Variants in NAF1 observed in about 807,000 individuals in gnomAD.
NAF1 encodes the protein H/ACA ribonucleoprotein complex non-core subunit NAF1.
In NAF1, 11 loss-of-function variants were observed where a neutral mutation model predicts 40.6. The observed-to-expected ratio is 0.27, with a 90% CI of 0.17 to 0.45. The LOEUF (loss-of-function observed/expected upper bound fraction) is 0.45, where lower values mean the gene tolerates loss of function less well. NAF1 is among the 20% of genes least tolerant of loss of function. The pLI, the probability that NAF1 is intolerant of heterozygous loss-of-function variation, is 1.00. For missense variants in NAF1, 607 were observed against 611.1 expected, an observed-to-expected ratio of 0.99 and a Z score of 0.07; for synonymous variants, 260 against 228.5, an observed-to-expected ratio of 1.14 and a Z score of -1.24.
intron 2 of NAF1, among the ~76,000 whole-genome samples, chr4:163,117,680 TACACACAC>T (rs55869899): frequency 0.011 from 1,432 of 134,926 alleles, 16 homozygotes; most frequent in Non-Finnish European, 0.016. Flanking sequence ...CTGGAAGCAA[TACACACAC>T]ACACACACAC....
At chr4:163,164,883 A>C (rs148068184) in intron 1 of NAF1, among the ~76,000 whole-genome samples, 144 of 152,308 alleles carry the variant, frequency 9.5e-4, no homozygotes, top group Admixed American at 2.1e-3. Context: ...ACTTTCTGAA[A>C]ACTCACTTGG....
At chr4:163,117,842 T>C (rs574259348) in intron 2 of NAF1, among the ~76,000 whole-genome samples, 1 of 152,226 alleles carries the variant, frequency 6.6e-6, no homozygotes, top group Non-Finnish European at 1.5e-5. Flanking sequence ...CCAAAAACCT[T>C]GCAGATTGAT....
intron 3 of NAF1, among the ~76,000 whole-genome samples, chr4:163,147,420 A>G (rs1409809488): frequency 1.3e-5 from 2 of 152,142 alleles, no homozygotes; most frequent in Admixed American, 6.5e-5. Flanking sequence ...GCTGAGTTCT[A>G]TTCTCCAGCA....
intron 2 of NAF1, among the ~76,000 whole-genome samples, chr4:163,156,659 T>C (rs1225371617): frequency 6.6e-6 from 1 of 152,116 alleles, no homozygotes; most frequent in South Asian, 2.1e-4. Context: ...ACAAAACATA[T>C]TCCCAGGCAT....
chr4:163,138,645 GT>G (rs1280918126), intron 5 of NAF1, among the ~76,000 whole-genome samples: 1 of 152,032 alleles, frequency 6.6e-6, no homozygotes, highest in African/African-American at 2.4e-5. Context: ...GAATACAACA[GT>G]TTTCCTGGGA....
rs1420055397 is a variant in NAF1 at position 163,113,854 on chromosome 4, G to A, written c.115-3564C>T. Among the ~76,000 whole-genome samples, 3 of 152,138 alleles carry A rather than the reference G, an allele frequency of 2.0e-5. No homozygotes were observed. The East Asian group carries it at 5.8e-4, about 29-fold the overall frequency. Reference sequence around the variant, plus strand: ...TACCTGTTTAGTTATTGCATGCCATGGACTACTTGTGTTTTATTTACCATG... The same window carrying A: ...TACCTGTTTAGTTATTGCATGCCATAGACTACTTGTGTTTTATTTACCATG... On this transcript the variant is annotated intron_variant, in intron 2 of 2. Coordinates refer to the NAF1 transcript ENST00000509434.
rs540083243 is a variant in NAF1, at chr4:163,111,520, T to C, written c.115-1230A>G. Among the ~76,000 whole-genome samples, 4 of 152,216 alleles carry C rather than the reference T, an allele frequency of 2.6e-5. No homozygotes were observed. In the South Asian group the frequency reaches 8.3e-4, roughly 32 times the overall value. Reference sequence around the variant, plus strand: ...AGCAGAAATGTCCAGTGGCGCAAGTTTGGGGTGAATTTAGAATTCATTTTG... The same window carrying C: ...AGCAGAAATGTCCAGTGGCGCAAGTCTGGGGTGAATTTAGAATTCATTTTG... On this transcript the variant is annotated intron_variant, in intron 2 of 2. Transcript: ENST00000509434.
intron 6 of NAF1, among the ~76,000 whole-genome samples, chr4:163,136,752 G>A (rs1043783332): frequency 2.0e-5 from 3 of 152,132 alleles, no homozygotes; most frequent in African/African-American, 7.2e-5. Flanking sequence ...AGAGAGGTAG[G>A]TAGCTTCCAA....
exon 3 of NAF1, chr4:163,110,226 C>G (rs574258808): frequency 2.9e-6 from 2 of 694,876 alleles, no homozygotes; most frequent in South Asian, 1.5e-5. Flanking sequence ...TTTGAGGATA[C>G]AGTACTCTCC....
In NAF1 at chr4:163,166,710, G is replaced by A; in HGVS notation, c.18C>T (p.Ala6=). The change falls in exon 1 of 8, where the codon GCC becomes GCT. Residue 6 remains alanine, a synonymous_variant. Coordinates refer to ENST00000274054, the MANE Select transcript of NAF1 (RefSeq NM_138386.3). MEVVE[A]AAAQLETLKF... ...TCAGAGTTTCCAGCTGAGCGGCGGC[G>A]GCCTCCACTACCTCCATCGCACCGC... 1.2e-6 allele frequency: 2 copies of A among 1,613,362 alleles called. No individual in the cohort carries two copies. The highest frequency in any genetic ancestry group is 1.7e-6 in the Non-Finnish European group (2 of 1,179,962).
chr4:163,115,535 TGATA>T, intron 2 of NAF1, among the ~76,000 whole-genome samples: 2 of 152,306 alleles, frequency 1.3e-5, no homozygotes, highest in South Asian at 4.1e-4. Flanking sequence ...ATACTCAGTA[TGATA>T]ATCATGTTTC....
chr4:163,137,556 A>C (rs1731107999), intron 5 of NAF1, among the ~76,000 whole-genome samples: 1 of 152,172 alleles, frequency 6.6e-6, no homozygotes, highest in African/African-American at 2.4e-5. Context: ...CAGTTTTCAC[A>C]AAACTCAGTT....
intron 2 of NAF1, among the ~76,000 whole-genome samples, chr4:163,117,680 TACACACACAC>T (rs55869899): frequency 2.5e-4 from 34 of 134,928 alleles, no homozygotes; most frequent in South Asian, 5.1e-4. Flanking sequence ...CTGGAAGCAA[TACACACACAC>T]ACACACACAC....
chr4:163,114,649 T>C (rs183330244), intron 2 of NAF1, among the ~76,000 whole-genome samples: 2 of 152,342 alleles, frequency 1.3e-5, no homozygotes, highest in South Asian at 2.1e-4. Flanking sequence ...AGTATTTTTA[T>C]ATCTACATTT....
At chr4:163,144,582 G>C (rs1028143018) in intron 4 of NAF1, among the ~76,000 whole-genome samples, 1 of 152,108 alleles carries the variant, frequency 6.6e-6, no homozygotes, top group African/African-American at 2.4e-5. Context: ...CTATTTTGGA[G>C]AATCATTTCA....
chr4:163,135,256 T>C (rs557373090), intron 6 of NAF1: 9 of 152,210 alleles, frequency 5.9e-5, no homozygotes, highest in Middle Eastern at 3.2e-3. Context: ...TTTCTAATTT[T>C]AATCTATGAT....
At chr4:163,165,696 T>C (rs960533647) in intron 1 of NAF1, among the ~76,000 whole-genome samples, 2 of 152,202 alleles carry the variant, frequency 1.3e-5, no homozygotes, top group African/African-American at 4.8e-5. Context: ...TTGTAGACAA[T>C]GTTCAGTGTG....
At chr4:163,112,185 TG>T (rs150280658) in intron 2 of NAF1, among the ~76,000 whole-genome samples, 19 of 151,140 alleles carry the variant, frequency 1.3e-4, no homozygotes, top group South Asian at 6.3e-4. Context: ...AAAAAATGAT[TG>T]GGGGGGGAGA....
chr4:163,147,773 G>T (rs565237472), intron 3 of NAF1, among the ~76,000 whole-genome samples: 3 of 152,122 alleles, frequency 2.0e-5, no homozygotes, highest in African/African-American at 7.2e-5. Flanking sequence ...AATCTAAAAA[G>T]TCTTTAAAAG....
Sources: allele counts gnomAD v4.1 joint callset (sites outside exome capture counted in the v4.1 genomes callset), GRCh38; gene constraint gnomAD v4.1.1; transcripts MANE v1.5; gene names NCBI Gene and HGNC (gene_info 2026-07-23, HGNC 2026-07-21).